The following STK32B variants were observed in gnomAD, a reference collection of about 807,000 sequenced individuals.
The protein encoded by STK32B is serine/threonine kinase 32B, also known as serine/threonine-protein kinase 32B.
A neutral mutation model predicts 52.6 loss-of-function variants in STK32B; 43 were observed. That is an observed-to-expected ratio of 0.82 (90% CI 0.64 to 1.05). The LOEUF is 1.05. STK32B is among the 50% of genes least tolerant of loss of function. The pLI is 0.00. For missense variants in STK32B, 621 were observed against 534.6 expected (o/e 1.16, Z -1.59); for synonymous variants, 238 against 204.3 (o/e 1.17, Z -1.41).
intron 3 of STK32B, among the ~76,000 whole-genome samples, chr4:5,278,168 C>G (rs1727958095): frequency 6.6e-6 from 1 of 152,136 alleles, no homozygotes; most frequent in African/African-American, 2.4e-5. Flanking sequence ...TAGTCTATGA[C>G]ATGAAGAGCC....
At chr4:5,171,021 TC>T (rs1308377975) in intron 3 of STK32B, among the ~76,000 whole-genome samples, 4 of 152,230 alleles carry the variant, frequency 2.6e-5, no homozygotes, top group African/African-American at 9.6e-5. Flanking sequence ...AGATGGTATC[TC>T]ATTGTGGTTT....
chr4:5,487,020 A>G (rs1455480138), intron 11 of STK32B, among the ~76,000 whole-genome samples: 1 of 152,186 alleles, frequency 6.6e-6, no homozygotes, highest in Non-Finnish European at 1.5e-5. Flanking sequence ...TATGACAAGA[A>G]TGACCCAGTT....
intron 2 of STK32B, among the ~76,000 whole-genome samples, chr4:5,150,002 G>T (rs2108844137): frequency 6.6e-6 from 1 of 151,716 alleles, no homozygotes; most frequent in South Asian, 2.1e-4. Flanking sequence ...CAGATTTTTA[G>T]GTTGACAGGT....
chr4:5,474,604 C>G (rs999810731), intron 11 of STK32B, among the ~76,000 whole-genome samples: 4 of 152,174 alleles, frequency 2.6e-5, no homozygotes, highest in Non-Finnish European at 5.9e-5. Flanking sequence ...CTTCAAAACT[C>G]TAGGCCTCCC....
chr4:5,268,745 C>T (rs1727220929), intron 3 of STK32B, among the ~76,000 whole-genome samples: 1 of 152,042 alleles, frequency 6.6e-6, no homozygotes, highest in Non-Finnish European at 1.5e-5. Flanking sequence ...TATTAACATT[C>T]CTTTGAAAAA....
chr4:5,190,405 C>T (rs1721088686), intron 3 of STK32B, among the ~76,000 whole-genome samples: 1 of 152,092 alleles, frequency 6.6e-6, no homozygotes, highest in African/African-American at 2.4e-5. Flanking sequence ...ACAATTGAGG[C>T]AGAGGGAGGT....
chr4:5,096,672 C>T (rs575919879), intron 1 of STK32B, among the ~76,000 whole-genome samples: 2 of 152,166 alleles, frequency 1.3e-5, no homozygotes, highest in Non-Finnish European at 2.9e-5. Flanking sequence ...ACGGCACCTG[C>T]TGGGGCCAGT....
intron 3 of STK32B, among the ~76,000 whole-genome samples, chr4:5,305,229 T>C (rs1240450553): frequency 2.0e-5 from 3 of 152,004 alleles, no homozygotes; most frequent in African/African-American, 7.3e-5. Flanking sequence ...GATTGCCTCT[T>C]TCTTTATCTT....
chr4:5,457,018 A>C, intron 8 of STK32B, 95 bp downstream of exon 8: 4 of 884,942 alleles, frequency 4.5e-6, no homozygotes, highest in Non-Finnish European at 6.7e-6. Flanking sequence ...TACAAATGGC[A>C]TACTCGGGGT....
chr4:5,180,406 A>T (rs1273422983), intron 3 of STK32B, among the ~76,000 whole-genome samples: 1 of 152,166 alleles, frequency 6.6e-6, no homozygotes, highest in Non-Finnish European at 1.5e-5. Flanking sequence ...CCCATTTTAC[A>T]GGTGGGACAA....
intron 5 of STK32B, among the ~76,000 whole-genome samples, chr4:5,412,412 G>A (rs115684392): frequency 9.8e-5 from 15 of 152,314 alleles, no homozygotes; most frequent in Non-Finnish European, 1.9e-4. Flanking sequence ...CATAGCCAGG[G>A]GAAAGCAGAA....
At chr4:5,247,086 A>C (rs949676418) in intron 3 of STK32B, among the ~76,000 whole-genome samples, 2 of 151,874 alleles carry the variant, frequency 1.3e-5, no homozygotes, top group East Asian at 1.9e-4. Context: ...GAGAACCACT[A>C]CTCTCTTCAA....
intron 2 of STK32B, among the ~76,000 whole-genome samples, chr4:5,144,326 A>G (rs1349559298): frequency 6.6e-6 from 1 of 152,236 alleles, no homozygotes; most frequent in Non-Finnish European, 1.5e-5. Context: ...ATGGTATAGT[A>G]GAGTGTCTAG....
At chr4:5,087,521 A>C (rs761888704) in intron 1 of STK32B, among the ~76,000 whole-genome samples, 2 of 152,148 alleles carry the variant, frequency 1.3e-5, no homozygotes, top group South Asian at 4.2e-4. Flanking sequence ...TGGATAAAAA[A>C]CAGCTATATG....
At chr4:5,307,804 T>G (rs1295044271) in intron 3 of STK32B, among the ~76,000 whole-genome samples, 1 of 149,640 alleles carries the variant, frequency 6.7e-6, no homozygotes, top group East Asian at 1.9e-4. Flanking sequence ...CAGATTCTTT[T>G]GTCCCACGGG....
intron 11 of STK32B, among the ~76,000 whole-genome samples, chr4:5,494,810 T>G (rs920419000): frequency 4.1e-4 from 62 of 152,302 alleles, no homozygotes; most frequent in Non-Finnish European, 8.1e-4. Context: ...GTCTGTAAAG[T>G]ATTTTATTTC....
intron 3 of STK32B, among the ~76,000 whole-genome samples, chr4:5,245,513 T>G (rs1725377781): frequency 6.6e-6 from 1 of 152,202 alleles, no homozygotes; most frequent in East Asian, 1.9e-4. Flanking sequence ...TGATGGGTCT[T>G]GAGTCTTTAT....
At chr4:5,491,851 C>T (rs1293173457) in intron 11 of STK32B, among the ~76,000 whole-genome samples, 1 of 152,114 alleles carries the variant, frequency 6.6e-6, no homozygotes, top group Non-Finnish European at 1.5e-5. Flanking sequence ...TTCCCCATTG[C>T]TTGTTTTTCT....
intron 3 of STK32B, among the ~76,000 whole-genome samples, chr4:5,230,547 C>T (rs371959865): frequency 6.6e-6 from 1 of 151,988 alleles, no homozygotes; most frequent in African/African-American, 2.4e-5. Flanking sequence ...GAACTCCACT[C>T]TATACTCACG....
Sources: gnomAD v4.1 joint callset for allele counts (sites outside exome capture counted in the v4.1 genomes callset) on GRCh38, gnomAD v4.1.1 for gene constraint, MANE v1.5 for transcripts, NCBI Gene and HGNC (gene_info 2026-07-23, HGNC 2026-07-21) for gene names.